The following NCOR1 variants were observed in gnomAD, a reference collection of about 807,000 sequenced individuals.
The protein encoded by NCOR1 is protein phosphatase 1, regulatory subunit 109.
In NCOR1, 63 loss-of-function variants were observed where a neutral mutation model predicts 288.1. That is an observed-to-expected ratio of 0.22 (90% CI 0.18 to 0.27). The LOEUF (loss-of-function observed/expected upper bound fraction) is 0.27. Ranked by LOEUF, NCOR1 falls within the 10% of genes least tolerant of loss-of-function variation. NCOR1 has a pLI of 1.00. For synonymous variants in NCOR1, 1,007 were observed against 1,065.9 expected, an observed-to-expected ratio of 0.94 and a Z score of 1.08; for missense variants, 2,397 against 3,019.2, an observed-to-expected ratio of 0.79 and a Z score of 4.83.
In NCOR1 at chr17:16,061,790, G is replaced by A. The variant is rs1211353793; in HGVS notation, c.5492C>T (p.Ala1831Val). The change falls in exon 37 of 46, where the codon GCA becomes GTA. Residue 1831 changes from alanine (A) to valine (V), a missense_variant. Around this residue, in one of 11 missense-constraint regions of NCOR1, gnomAD observed 1,872 missense variants for 2,187.8 expected, o/e 0.86. Coordinates refer to ENST00000268712, the MANE Select transcript of NCOR1 (RefSeq NM_006311.4). ...TGTTTTGGACACATCCATCTGGGGT[G>A]CAGAAGCTGCAGCATCCACAAGAGC... ...LAALVDAAAS[A>V]PQMDVSKTKE... 1.2e-6 allele frequency: 2 copies of A among 1,614,236 alleles called. No homozygotes were observed. Among genetic ancestry groups the A allele is most frequent in the Non-Finnish European group, 8.5e-7 (1 of 1,180,038 alleles).
chr17:16,096,070 G>A (rs951945529), intron 21 of NCOR1, among the ~76,000 whole-genome samples: 1 of 152,160 alleles, frequency 6.6e-6, no homozygotes, highest in East Asian at 1.9e-4. Context: ...GTCCACTCAG[G>A]GTTAAATGGA....
Position 16,034,755 on chromosome 17 carries a change from G to C in NCOR1, c.7135+10C>G. The stretch of plus-strand genomic sequence containing the variant: ...CTGTCTCATTTTCTAAGTTAAAGCA[G>C]AATCCTTACCTGTTGAAGAGGGCCT... On this transcript the variant is annotated intron_variant, in intron 45 of 45. Coordinates refer to ENST00000268712, the MANE Select transcript of NCOR1 (RefSeq NM_006311.4). 1 of 1,596,044 alleles carries C rather than the reference G, an allele frequency of 6.3e-7. No homozygotes were observed. Among genetic ancestry groups the C allele is most frequent in the Non-Finnish European group, 8.5e-7 (1 of 1,171,414 alleles).
intron 23 of NCOR1, among the ~76,000 whole-genome samples, chr17:16,083,130 G>A (rs1207045800): frequency 1.3e-5 from 2 of 152,050 alleles, no homozygotes; most frequent in Non-Finnish European, 2.9e-5. Context: ...CTACTTGGGA[G>A]GCTGAGGCTG....
rs1313616943 is a variant in NCOR1 at position 16,153,315 on chromosome 17, C to T, written c.789+24G>A. ...CACCAAAAATTAAAAAAAAAAATCA[C>T]TGGAAATGAAAAAATTTACTTACCA... On this transcript the variant is annotated intron_variant, in intron 7 of 45. Transcript: ENST00000268712. 5 of 1,522,648 alleles carry T rather than the reference C, an allele frequency of 3.3e-6. No homozygotes were observed. The South Asian group carries it at 3.7e-5, about 11-fold the overall frequency. The allele number at this position is 1,522,648 out of a possible 1,614,324, so 94.3% of individuals were successfully genotyped here.
At chr17:16,079,900 T>G in intron 26 of NCOR1, 64 bp downstream of exon 26, 1 of 1,409,486 alleles carries the variant, frequency 7.1e-7, no homozygotes, top group Non-Finnish European at 1.0e-6. Context: ...GCCAAAGTGC[T>G]AAGAATTATT....
At position 16,101,698 on chromosome 17, in the gene NCOR1, C is replaced by T. The variant is rs1260202474; in HGVS notation, c.2242G>A (p.Glu748Lys). ...PENATSRGNT[E>K]PAVELEPTTE... ...GTGGGCTCAAGCTCAACCGCAGGTTCTGTGTTTCCTCGAGAAGTAGCATTT... is the reference window on the plus strand; with the variant it reads ...GTGGGCTCAAGCTCAACCGCAGGTTTTGTGTTTCCTCGAGAAGTAGCATTT... The change falls in exon 20 of 46, where the codon GAA becomes AAA. Residue 748 changes from glutamate to lysine, a missense_variant. This residue lies in a region of NCOR1 where 1,872 missense variants were observed against 2,187.8 expected (regional missense o/e 0.86). Transcript: ENST00000268712. 1 of 1,614,210 alleles carries T rather than the reference C, an allele frequency of 6.2e-7. No individual in the cohort carries two copies. The highest frequency in any genetic ancestry group is 8.5e-7 in the Non-Finnish European group (1 of 1,180,042).
chr17:16,092,212 C>A (rs1473679434), intron 21 of NCOR1, among the ~76,000 whole-genome samples, 154 bp from the exon 22 acceptor site: 1 of 152,134 alleles, frequency 6.6e-6, no homozygotes, highest in Non-Finnish European at 1.5e-5. Flanking sequence ...ATGCTTAAGG[C>A]ATTGCAGTGG....
intron 44 of NCOR1, among the ~76,000 whole-genome samples, chr17:16,039,021 C>T (rs996270903): frequency 1.3e-5 from 2 of 152,120 alleles, no homozygotes; most frequent in Non-Finnish European, 1.5e-5. Context: ...CGCCCGCCTC[C>T]GCCCCCCAAA....
intron 40 of NCOR1, among the ~76,000 whole-genome samples, chr17:16,054,070 T>TAAAAAAAAAAAA (rs752015595): frequency 4.2e-5 from 3 of 72,110 alleles, no homozygotes; most frequent in East Asian, 3.6e-4. Flanking sequence ...GACTTAAATG[T>TAAAAAAAAAAAA]AAAAAAAAAA....
chr17:16,179,027 T>C (rs895398750), intron 3 of NCOR1, among the ~76,000 whole-genome samples: 6 of 151,874 alleles, frequency 4.0e-5, no homozygotes, highest in African/African-American at 1.5e-4. Context: ...CGTTTGAACA[T>C]GAGAGGCAGA....
At chr17:16,120,904 T>C in intron 16 of NCOR1, 148 bp downstream of exon 16, 1 of 686,116 alleles carries the variant, frequency 1.5e-6, no homozygotes, top group Non-Finnish European at 2.2e-6. Flanking sequence ...TCAAAAAACT[T>C]TGACATTAAA....
chr17:16,041,417 T>TTTTTTTTTTTTTC (rs2057565621), intron 42 of NCOR1: 1 of 149,054 alleles, frequency 6.7e-6, no homozygotes, highest in African/African-American at 2.5e-5. Context: ...TTTTTTTTTT[T>TTTTTTTTTTTTTC]TTTTTCCTTT....
intron 1 of NCOR1, among the ~76,000 whole-genome samples, chr17:16,215,045 C>A (rs1305309576): frequency 6.6e-6 from 1 of 152,252 alleles, no homozygotes; most frequent in Non-Finnish European, 1.5e-5. Flanking sequence ...CTCTCCCTCG[C>A]AGGCCCTGTA....
At chr17:16,038,472 T>C (rs1257119498) in intron 44 of NCOR1, among the ~76,000 whole-genome samples, 1 of 152,048 alleles carries the variant, frequency 6.6e-6, no homozygotes, top group East Asian at 1.9e-4. Flanking sequence ...GGTCTCACTT[T>C]GTCACCTGGG....
At chr17:16,095,822 G>A (rs911578723) in intron 21 of NCOR1, among the ~76,000 whole-genome samples, 3 of 151,918 alleles carry the variant, frequency 2.0e-5, no homozygotes, top group African/African-American at 7.3e-5. Context: ...CGTCTGGGAG[G>A]AGGTACCCAA....
intron 1 of NCOR1, among the ~76,000 whole-genome samples, chr17:16,206,771 T>G (rs560558600): frequency 3.0e-4 from 46 of 152,180 alleles, no homozygotes; most frequent in Admixed American, 1.0e-3. Flanking sequence ...TAGACAAACT[T>G]GGAACAGTAG....
chr17:16,075,921 G>C lies in NCOR1; in HGVS notation c.3502-219C>G, dbSNP rs142199961. Among the ~76,000 whole-genome samples the C allele has an allele frequency of 1.2e-3, 183 of 152,288 alleles. 1 individual carries two copies. The highest frequency in any genetic ancestry group is 3.7e-4 in the Non-Finnish European group (25 of 68,018). Reference sequence around the variant, plus strand: ...TCAGCCACATAACACTTAAAATTATGACACGTACATTAGGTGAATCAACTT... The same window carrying C: ...TCAGCCACATAACACTTAAAATTATCACACGTACATTAGGTGAATCAACTT... On this transcript the variant is annotated intron_variant, in intron 26 of 45. Coordinates refer to ENST00000268712, the MANE Select transcript of NCOR1 (RefSeq NM_006311.4).
intron 18 of NCOR1, among the ~76,000 whole-genome samples, chr17:16,117,136 C>T (rs773416959): frequency 2.6e-5 from 4 of 152,114 alleles, no homozygotes; most frequent in South Asian, 4.1e-4. Context: ...AATATTTATA[C>T]CATGGAATCT....
intron 25 of NCOR1, 26 bp downstream of exon 25, chr17:16,080,382 C>T: frequency 6.4e-7 from 1 of 1,564,854 alleles, no homozygotes; most frequent in South Asian, 1.2e-5. Flanking sequence ...AAAAGTTTAA[C>T]ATTTCTGCCA....
Sources: allele counts gnomAD v4.1 joint callset (sites outside exome capture counted in the v4.1 genomes callset), GRCh38; gene constraint gnomAD v4.1.1; regional missense constraint gnomAD v4.1.1; transcripts MANE v1.5; gene names NCBI Gene and HGNC (gene_info 2026-07-23, HGNC 2026-07-21).